GPHN: variants seen among roughly 807,000 people sequenced by gnomAD.
GPHN encodes gephyrin.
GPHN carries 17 observed loss-of-function variants against 95.5 expected under a neutral mutation model. The ratio of observed to expected loss-of-function variants is 0.18; its 90% CI spans 0.12 to 0.27. The LOEUF (loss-of-function observed/expected upper bound fraction) is 0.27. GPHN is among the 10% of genes least tolerant of loss of function. The probability of loss-of-function intolerance (pLI) is 1.00; values close to 1 mark genes in which losing one functional copy is unlikely to be tolerated. For missense variants in GPHN, 660 were observed against 978.1 expected (o/e 0.67, Z 4.34); for synonymous variants, 320 against 322.5 (o/e 0.99, Z 0.08).
chr14:67,673,135 G>A, the GPHN span, among the ~76,000 whole-genome samples: 13 of 152,158 alleles, frequency 8.5e-5, no homozygotes, highest in Admixed American at 3.3e-4. Flanking sequence ...TTGAGGTCAG[G>A]AGTTAGAGAT....
the GPHN span, chr14:67,690,563 A>G: frequency 1.5e-6 from 1 of 670,724 alleles, no homozygotes; most frequent in East Asian, 2.6e-5. Flanking sequence ...ACTAGAAAAC[A>G]AGTTTAATGA....
intron 21 of GPHN, among the ~76,000 whole-genome samples, chr14:67,175,279 T>C (rs897418988): frequency 1.3e-5 from 2 of 152,206 alleles, no homozygotes; most frequent in Non-Finnish European, 2.9e-5. Context: ...GGGATCCAGT[T>C]TCAGCTTTCT....
the GPHN span, chr14:67,593,860 T>G: frequency 6.2e-7 from 1 of 1,612,576 alleles, no homozygotes; most frequent in African/African-American, 1.3e-5. Flanking sequence ...AATCAATGAT[T>G]AACAGAGTCT....
At chr14:67,382,908 CGTGTGT>C in the GPHN span, among the ~76,000 whole-genome samples, 1 of 144,096 alleles carries the variant, frequency 6.9e-6, no homozygotes, top group African/African-American at 2.5e-5. Context: ...TGCGTGCGTG[CGTGTGT>C]GTGTGTGTGT....
chr14:67,571,761 C>T, the GPHN span: 4 of 1,613,938 alleles, frequency 2.5e-6, no homozygotes, highest in Non-Finnish European at 3.4e-6. Context: ...GAGAGCTACA[C>T]AGATCAGCAA....
chr14:67,194,364 A>G, the GPHN span, among the ~76,000 whole-genome samples: 1 of 152,002 alleles, frequency 6.6e-6, no homozygotes, highest in Non-Finnish European at 1.5e-5. Flanking sequence ...ACCTGTAGAA[A>G]AAAAAAAAAA....
intron 1 of GPHN, among the ~76,000 whole-genome samples, chr14:66,573,925 T>G (rs80217643): frequency 0.16 from 24,981 of 152,176 alleles, 2,367 homozygotes; most frequent in Non-Finnish European, 0.22. Flanking sequence ...GTAGGCAGCA[T>G]GTAGTTGAGT....
chr14:67,091,791 G>A (rs1383958031), intron 12 of GPHN, among the ~76,000 whole-genome samples: 1 of 150,712 alleles, frequency 6.6e-6, no homozygotes, highest in Non-Finnish European at 1.5e-5. Flanking sequence ...AAATTTTTAT[G>A]TAAAATTACC....
the GPHN span, among the ~76,000 whole-genome samples, chr14:67,368,426 T>G: frequency 6.6e-6 from 1 of 152,318 alleles, no homozygotes; most frequent in East Asian, 1.9e-4. Context: ...GGGCAGTCTC[T>G]CCACAAATGT....
chr14:67,545,789 AC>A, the GPHN span, among the ~76,000 whole-genome samples: 3 of 152,364 alleles, frequency 2.0e-5, no homozygotes, highest in South Asian at 6.2e-4. Flanking sequence ...TGAATAAAAA[AC>A]ATCTGAAGGA....
chr14:67,157,977 T>TG (rs1329809972), intron 18 of GPHN, among the ~76,000 whole-genome samples: 7 of 151,306 alleles, frequency 4.6e-5, no homozygotes, highest in Admixed American at 1.3e-4. Context: ...GAACAATGAT[T>TG]GGGGGGGCTA....
At chr14:67,609,166 A>G in the GPHN span, among the ~76,000 whole-genome samples, 5,460 of 148,156 alleles carry the variant, frequency 0.037, 257 homozygotes, top group African/African-American at 0.11. Context: ...TGCAACTCCC[A>G]CTGTTCTCGG....
rs79255351 is a variant in GPHN, at chr14:66,646,745, C to A, written c.65-34362C>A. ...GTTCAGTGGAGTAGGAAATGGGGAG[C>A]TGTTGTTTAATGGGTATAGAGTTTC... On this transcript the variant is annotated intron_variant, in intron 1 of 22. Transcript: ENST00000478722. Among the ~76,000 whole-genome samples the A allele has an allele frequency of 5.1e-3, 775 of 152,040 alleles. 10 individuals carry two copies. Among genetic ancestry groups the A allele is most frequent in the Middle Eastern group, 0.014 (4 of 294 alleles).
At chr14:67,653,600 A>G in the GPHN span, 1 of 1,002,904 alleles carries the variant, frequency 1.0e-6, no homozygotes, top group Non-Finnish European at 1.5e-6. Context: ...ATATGTTGAA[A>G]AATTCCAAGA....
At chr14:66,609,427 T>C (rs2062689609) in intron 1 of GPHN, among the ~76,000 whole-genome samples, 2 of 152,146 alleles carry the variant, frequency 1.3e-5, no homozygotes, top group Non-Finnish European at 2.9e-5. Context: ...GTCTTGGGGA[T>C]GGTCATCTTG....
chr14:67,034,476 C>T (rs752746929), intron 10 of GPHN, among the ~76,000 whole-genome samples: 3 of 151,760 alleles, frequency 2.0e-5, no homozygotes, highest in African/African-American at 7.3e-5. Flanking sequence ...GATTAAACTC[C>T]CCAGTAAAAA....
intron 4 of GPHN, among the ~76,000 whole-genome samples, chr14:66,853,527 A>G (rs577112838): frequency 6.6e-6 from 1 of 152,318 alleles, no homozygotes; most frequent in East Asian, 1.9e-4. Context: ...ATGAGGAGTC[A>G]TGTCGTACTT....
intron 17 of GPHN, among the ~76,000 whole-genome samples, chr14:67,126,366 TG>T (rs2079314947): frequency 1.3e-5 from 2 of 152,188 alleles, no homozygotes; most frequent in Non-Finnish European, 2.9e-5. Context: ...ATTGTATACC[TG>T]TGTACTACTG....
At chr14:67,513,280 A>G in the GPHN span, among the ~76,000 whole-genome samples, 1 of 152,196 alleles carries the variant, frequency 6.6e-6, no homozygotes, top group African/African-American at 2.4e-5. Flanking sequence ...TCCAGTGGGG[A>G]ATTGAGTGAA....
Sources: allele counts gnomAD v4.1 joint callset (sites outside exome capture counted in the v4.1 genomes callset), GRCh38; gene constraint gnomAD v4.1.1; transcripts MANE v1.5; gene names NCBI Gene and HGNC (gene_info 2026-07-23, HGNC 2026-07-21).